Variants in CSMD1 observed in about 807,000 individuals in gnomAD.
The protein encoded by CSMD1 is CUB and sushi domain-containing protein 1.
A neutral mutation model predicts 417.5 loss-of-function variants in CSMD1; 213 were observed. That is an observed-to-expected ratio of 0.51 (90% confidence interval 0.46 to 0.57). CSMD1 has a LOEUF of 0.57. Ranked by LOEUF, CSMD1 falls within the 20% of genes least tolerant of loss-of-function variation. CSMD1 has a pLI of 0.00. For missense variants in CSMD1, 6,923 were observed against 4,529.7 expected, an observed-to-expected ratio of 1.53 and a Z score of -15.17; for synonymous variants, 2,862 against 1,736.8, an observed-to-expected ratio of 1.65 and a Z score of -16.11.
chr8:4,742,896 A>G (rs897044953), intron 1 of CSMD1, among the ~76,000 whole-genome samples: 5 of 152,218 alleles, frequency 3.3e-5, no homozygotes, highest in African/African-American at 9.7e-5. Context: ...GTCTATCAGA[A>G]CGGTTAAAAA....
intron 2 of CSMD1, among the ~76,000 whole-genome samples, chr8:4,578,367 G>C (rs2617025): frequency 2.5e-5 from 2 of 81,098 alleles, no homozygotes; most frequent in Non-Finnish European, 4.3e-5. Context: ...TTTTAGGACA[G>C]ACGGGGTTTC....
At chr8:3,854,362 A>G (rs555262631) in intron 5 of CSMD1, among the ~76,000 whole-genome samples, 2 of 151,876 alleles carry the variant, frequency 1.3e-5, no homozygotes, top group South Asian at 4.2e-4. Flanking sequence ...TTTCCTTTTG[A>G]TTTTAAGAAC....
intron 1 of CSMD1, among the ~76,000 whole-genome samples, chr8:4,968,561 T>A (rs2117369679): frequency 6.6e-6 from 1 of 152,200 alleles, no homozygotes; most frequent in East Asian, 1.9e-4. Context: ...TATATATATT[T>A]TTTTCCGGGC....
intron 3 of CSMD1, among the ~76,000 whole-genome samples, chr8:4,098,140 A>C (rs1461311768): frequency 6.6e-6 from 1 of 152,184 alleles, no homozygotes; most frequent in Admixed American, 6.5e-5. Flanking sequence ...ATTTCATATA[A>C]AACCCTTGTA....
At chr8:4,472,528 A>G (rs1800593731) in intron 2 of CSMD1, among the ~76,000 whole-genome samples, 1 of 152,152 alleles carries the variant, frequency 6.6e-6, no homozygotes, top group African/African-American at 2.4e-5. Flanking sequence ...GGAAATACCA[A>G]AACAGTATTT....
chr8:3,778,034 G>C (rs949495419), intron 5 of CSMD1, among the ~76,000 whole-genome samples: 1 of 152,252 alleles, frequency 6.6e-6, no homozygotes, highest in Admixed American at 6.5e-5. Context: ...CTGTCTGGCT[G>C]TCTGTGCTTA....
At chr8:3,539,781 C>G (rs1266804325) in intron 10 of CSMD1, among the ~76,000 whole-genome samples, 3 of 144,958 alleles carry the variant, frequency 2.1e-5, no homozygotes, top group East Asian at 2.0e-4. Flanking sequence ...AAAAAAAACA[C>G]AAGAAAGAAA....
Position 3,133,679 on chromosome 8 carries a change from C to T in CSMD1, c.6241+8786G>A, listed in dbSNP as rs539105880. 3.3e-5 allele frequency among the ~76,000 whole-genome samples: 5 copies of T among 152,068 alleles called. No homozygotes were observed. The South Asian group carries it at 6.2e-4, about 19-fold the overall frequency. ...AGGGGTGAGTGTGATCAGAGGTAGG[C>T]GAAGAGACAGGAGGCTGCTGGCAGG... On this transcript the variant is annotated intron_variant, in intron 41 of 69. Coordinates refer to ENST00000635120, the MANE Select transcript of CSMD1 (RefSeq NM_033225.6).
chr8:3,737,781 G>A (rs1317120946), intron 6 of CSMD1, among the ~76,000 whole-genome samples: 3 of 152,176 alleles, frequency 2.0e-5, no homozygotes, highest in Non-Finnish European at 4.4e-5. Flanking sequence ...GAAATCGTCT[G>A]AAATCAAAGG....
chr8:4,308,086 G>T (rs13263350), intron 3 of CSMD1, among the ~76,000 whole-genome samples: 4 of 152,022 alleles, frequency 2.6e-5, no homozygotes, highest in Non-Finnish European at 5.9e-5. Flanking sequence ...GTCTTTATTC[G>T]AACAGTGGCA....
chr8:4,156,375 G>C (rs1218000273), intron 3 of CSMD1, among the ~76,000 whole-genome samples: 2 of 152,150 alleles, frequency 1.3e-5, no homozygotes, highest in Non-Finnish European at 2.9e-5. Flanking sequence ...AATGAATGCA[G>C]AAGCCAATGG....
intron 7 of CSMD1, among the ~76,000 whole-genome samples, chr8:3,693,784 T>TGG: frequency 6.6e-6 from 1 of 151,996 alleles, no homozygotes; most frequent in South Asian, 2.1e-4. Context: ...TGAATATAGA[T>TGG]GTGTGTTGGC....
In CSMD1 at chr8:4,787,730, G is replaced by C. The variant is rs1447154936; in HGVS notation, c.86-150172C>G. The C allele has an allele frequency of 1.3e-5, 20 of 1,589,288 alleles. 1 individual carries two copies. The highest frequency in any genetic ancestry group is 2.3e-4 in the Middle Eastern group (1 of 4,412). On this transcript the variant is annotated intron_variant, in intron 1 of 69. Coordinates refer to ENST00000635120, the MANE Select transcript of CSMD1 (RefSeq NM_033225.6). ...GATGCTGCCAATAATGACCCACAGT[G>C]GTCTGAGGAACAGCTGATTGCTGCA...
At chr8:4,884,272 C>G (rs926635017) in intron 1 of CSMD1, among the ~76,000 whole-genome samples, 1 of 151,852 alleles carries the variant, frequency 6.6e-6, no homozygotes, top group African/African-American at 2.4e-5. Flanking sequence ...TTTCTAGTTA[C>G]AAGTATCTTA....
chr8:4,748,757 A>G (rs1175251236), intron 1 of CSMD1, among the ~76,000 whole-genome samples: 1 of 152,234 alleles, frequency 6.6e-6, no homozygotes, highest in East Asian at 1.9e-4. Flanking sequence ...TACAGACTTA[A>G]TTACTGGTTA....
intron 12 of CSMD1, among the ~76,000 whole-genome samples, chr8:3,456,332 G>A (rs1302259280): frequency 1.2e-5 from 1 of 85,550 alleles, no homozygotes; most frequent in African/African-American, 5.3e-5. Flanking sequence ...ACTCCCCAGT[G>A]ACATGAACGA....
intron 11 of CSMD1, among the ~76,000 whole-genome samples, chr8:3,487,402 C>T (rs932669032): frequency 1.3e-5 from 2 of 152,062 alleles, no homozygotes; most frequent in Non-Finnish European, 2.9e-5. Flanking sequence ...AGGGTTTCAC[C>T]ATGTTAGCCA....
intron 47 of CSMD1, among the ~76,000 whole-genome samples, chr8:3,092,598 G>GT (rs1417119994): frequency 6.6e-6 from 1 of 152,116 alleles, no homozygotes; most frequent in Admixed American, 6.6e-5. Context: ...TTCATATCTA[G>GT]TTTTTTCATT....
intron 3 of CSMD1, among the ~76,000 whole-genome samples, chr8:4,113,239 T>C (rs749468582): frequency 1.7e-4 from 26 of 152,140 alleles, no homozygotes; most frequent in East Asian, 5.8e-4. Flanking sequence ...ATGTGTTCAA[T>C]TGAAAGAAAG....
Sources: gnomAD v4.1 joint callset for allele counts (sites outside exome capture counted in the v4.1 genomes callset) on GRCh38, gnomAD v4.1.1 for gene constraint, MANE v1.5 for transcripts, NCBI Gene and HGNC (gene_info 2026-07-23, HGNC 2026-07-21) for gene names.